CNKSR3: variants seen among roughly 807,000 people sequenced by gnomAD.
CNKSR3 encodes CNKSR family member 3.
Under a neutral mutation model 67.7 loss-of-function variants are expected in CNKSR3, and 36 were observed. That is an observed-to-expected ratio of 0.53 (90% CI 0.41 to 0.70). CNKSR3 has a LOEUF of 0.70. Among genes scored for constraint, CNKSR3 ranks in the 30% least tolerant of loss-of-function variants. The pLI, the probability that CNKSR3 is intolerant of heterozygous loss-of-function variation, is 0.00. For synonymous variants in CNKSR3, 281 were observed against 271.4 expected, an observed-to-expected ratio of 1.04 and a Z score of -0.35; for missense variants, 630 against 695.2, an observed-to-expected ratio of 0.91 and a Z score of 1.05.
chr6:154,480,286 T>C (rs1287256735), intron 1 of CNKSR3, among the ~76,000 whole-genome samples: 3 of 152,242 alleles, frequency 2.0e-5, no homozygotes, highest in Admixed American at 6.5e-5. Context: ...TGTATTATTA[T>C]GCCCACTTTG....
intron 1 of CNKSR3, among the ~76,000 whole-genome samples, chr6:154,460,049 A>C: frequency 6.6e-6 from 1 of 151,740 alleles, no homozygotes; most frequent in African/African-American, 2.4e-5. Flanking sequence ...GCCTGCCCCC[A>C]CCCCCTCCTG....
At chr6:154,443,614 A>T (rs1582865422) in intron 2 of CNKSR3, among the ~76,000 whole-genome samples, 1 of 152,122 alleles carries the variant, frequency 6.6e-6, no homozygotes, top group Non-Finnish European at 1.5e-5. Flanking sequence ...ACAATCATAG[A>T]GTCATGGAAT....
rs1286325171 is a variant in CNKSR3 at position 154,505,372 on chromosome 6, TG to T, written c.52+4690del. Among the ~76,000 whole-genome samples, 10 of 151,694 alleles carry T rather than the reference TG, an allele frequency of 6.6e-5. 1 individual carries two copies. The highest frequency in any genetic ancestry group is 6.2e-4 in the South Asian group (3 of 4,816). On this transcript the variant is annotated intron_variant, in intron 1 of 12. Transcript: ENST00000607772. Reference sequence around the variant, plus strand: ...CAAGAAAGCCCCCTTTTCTCTTGGTTGGTGATGGGGACTGCTACCAACACTA... The same window carrying T: ...CAAGAAAGCCCCCTTTTCTCTTGGTTGTGATGGGGACTGCTACCAACACTA...
At chr6:154,452,148 G>A (rs1785848373) in intron 1 of CNKSR3, among the ~76,000 whole-genome samples, 1 of 152,174 alleles carries the variant, frequency 6.6e-6, no homozygotes, top group African/African-American at 2.4e-5. Context: ...TTTTGTTGAT[G>A]AAAGAATTAA....
intron 7 of CNKSR3, among the ~76,000 whole-genome samples, chr6:154,427,226 C>T (rs1448420587): frequency 6.6e-6 from 1 of 152,190 alleles, no homozygotes; most frequent in African/African-American, 2.4e-5. Context: ...ATCACAGACA[C>T]TCAAAGATCA....
At chr6:154,453,715 C>T (rs1421953221) in intron 1 of CNKSR3, among the ~76,000 whole-genome samples, 1 of 152,134 alleles carries the variant, frequency 6.6e-6, no homozygotes. Flanking sequence ...TTATAAACAG[C>T]TAAATTAAAC....
At chr6:154,442,499 G>A (rs1785619371) in intron 2 of CNKSR3, among the ~76,000 whole-genome samples, 2 of 152,120 alleles carry the variant, frequency 1.3e-5, no homozygotes, top group Admixed American at 6.5e-5. Context: ...GCGGGCGCCT[G>A]TAGTCCCAGC....
At chr6:154,484,660 T>C (rs946586692) in intron 1 of CNKSR3, among the ~76,000 whole-genome samples, 3 of 137,408 alleles carry the variant, frequency 2.2e-5, no homozygotes, top group Non-Finnish European at 4.5e-5. Context: ...TAAGATCGCA[T>C]CATTGCACTC....
intron 7 of CNKSR3, among the ~76,000 whole-genome samples, chr6:154,424,239 A>G (rs903920941): frequency 5.5e-4 from 82 of 148,438 alleles, no homozygotes; most frequent in African/African-American, 2.1e-3. Context: ...TCAAAAAAAA[A>G]AAAAAAAAAG....
chr6:154,446,532 T>C (rs966769579), intron 2 of CNKSR3, among the ~76,000 whole-genome samples: 2 of 152,216 alleles, frequency 1.3e-5, no homozygotes, highest in African/African-American at 4.8e-5. Context: ...AAAGATAACA[T>C]GTTTAAATGA....
intron 1 of CNKSR3, among the ~76,000 whole-genome samples, chr6:154,494,417 T>C (rs934068095): frequency 2.0e-5 from 3 of 152,148 alleles, no homozygotes; most frequent in African/African-American, 4.8e-5. Context: ...TGAGATTTGG[T>C]TGGGGACACA....
At chr6:154,505,966 T>G (rs1787094635) in intron 1 of CNKSR3, among the ~76,000 whole-genome samples, 1 of 152,142 alleles carries the variant, frequency 6.6e-6, no homozygotes, top group African/African-American at 2.4e-5. Context: ...ACAATGAAAT[T>G]TCTCATATTT....
chr6:154,388,500 C>A lies in CNKSR3; in HGVS notation c.*17854G>T, dbSNP rs1379897929. 1 of 152,058 alleles carries A rather than the reference C, an allele frequency of 6.6e-6. No individual in the cohort carries two copies. Among genetic ancestry groups the A allele is most frequent in the Non-Finnish European group, 1.5e-5 (1 of 68,008 alleles). 9.4% of individuals were successfully genotyped at this position (152,058 alleles called of 1,614,324 possible). On this transcript the variant is annotated 3_prime_UTR_variant, in exon 13 of 13. Transcript: ENST00000607772. ...CAAATGCTAATACCTCTTTGGGATC[C>A]TGATTTCAATTTTTTTGGATAAATA... is the stretch of plus-strand genomic sequence containing the variant.
At chr6:154,414,470 G>T in intron 9 of CNKSR3, 47 bp from the exon 10 acceptor site, 1 of 1,554,298 alleles carries the variant, frequency 6.4e-7, no homozygotes, top group South Asian at 1.3e-5. Context: ...GATCAATTCA[G>T]AGATGATTCT....
intron 1 of CNKSR3, among the ~76,000 whole-genome samples, chr6:154,481,938 C>T (rs1786575433): frequency 6.6e-6 from 1 of 152,150 alleles, no homozygotes; most frequent in African/African-American, 2.4e-5. Flanking sequence ...TACAGTTCTA[C>T]CAATCTGTCA....
In CNKSR3 at chr6:154,402,724, G is replaced by A; in HGVS notation, c.*3630C>T. 6.6e-6 allele frequency: 1 copy of A among 152,154 alleles called. No homozygotes were observed. Among genetic ancestry groups the A allele is most frequent in the East Asian group, 1.9e-4 (1 of 5,192 alleles). 9.4% of individuals were successfully genotyped at this position (152,154 alleles called of 1,614,324 possible). A position where few individuals can be genotyped will look rare whatever the true frequency, so the allele number is the denominator to read the frequency against. ...AGGTATGCCTAGAACTTTATCTAAA[G>A]AATTGGCCACATTTTAGAAAATCAT... On this transcript the variant is annotated 3_prime_UTR_variant, in exon 13 of 13. Coordinates refer to ENST00000607772, the MANE Select transcript of CNKSR3 (RefSeq NM_173515.4).
intron 2 of CNKSR3, 128 bp from the exon 3 acceptor site, chr6:154,442,418 C>T (rs1367165999): frequency 7.1e-6 from 5 of 706,732 alleles, no homozygotes; most frequent in Non-Finnish European, 9.4e-6. Flanking sequence ...GTCAGGAGAT[C>T]GAGGCCATCC....
chr6:154,502,743 AGAGCTCAT>A (rs1787024304), intron 1 of CNKSR3, among the ~76,000 whole-genome samples: 1 of 152,242 alleles, frequency 6.6e-6, no homozygotes, highest in Non-Finnish European at 1.5e-5. Flanking sequence ...AAGTGCCCTC[AGAGCTCAT>A]GAAAATAACA....
At chr6:154,415,184 C>G (rs1310446558) in intron 9 of CNKSR3, among the ~76,000 whole-genome samples, 1 of 144,878 alleles carries the variant, frequency 6.9e-6, no homozygotes, top group East Asian at 2.1e-4. Context: ...AGGAGTATTG[C>G]TTGGAACTCT....
Sources: allele counts gnomAD v4.1 joint callset (sites outside exome capture counted in the v4.1 genomes callset), GRCh38; gene constraint gnomAD v4.1.1; transcripts MANE v1.5; gene names NCBI Gene and HGNC (gene_info 2026-07-23, HGNC 2026-07-21).